Variants in SARDH observed in about 807,000 individuals in gnomAD.
SARDH encodes sarcosine dehydrogenase, mitochondrial.
In SARDH, 95 loss-of-function variants were observed where a neutral mutation model predicts 109.1. That is an observed-to-expected ratio of 0.87 (90% CI 0.74 to 1.03). The LOEUF is 1.03. Among genes scored for constraint, SARDH ranks in the 50% least tolerant of loss-of-function variants. The pLI is 0.00. For synonymous variants in SARDH, 572 were observed against 534.8 expected (o/e 1.07, Z -0.96); for missense variants, 1,267 against 1,287.8 (o/e 0.98, Z 0.25).
intron 7 of SARDH, 125 bp from the exon 8 acceptor site, chr9:133,717,580 T>A (rs1832173068): frequency 7.3e-7 from 1 of 1,378,154 alleles, no homozygotes; most frequent in African/African-American, 1.4e-5. Context: ...AGAGGGCTGG[T>A]GGTCACCCAC....
intron 6 of SARDH, among the ~76,000 whole-genome samples, chr9:133,720,256 A>G (rs964329325): frequency 1.3e-5 from 2 of 150,284 alleles, no homozygotes; most frequent in African/African-American, 2.5e-5. Flanking sequence ...GTGAAACCCC[A>G]TCTCTACTAA....
rs114407344 is a variant in SARDH at position 133,666,574 on chromosome 9, C to T, written c.2631+161G>A. ...CCTCCTTCTCCTCCTTCCTTCCTCC[C>T]CCTCTTCCCTCCTCCCTCCTTTCTC... On this transcript the variant is annotated intron_variant, in intron 20 of 20. Coordinates refer to ENST00000439388, the MANE Select transcript of SARDH (RefSeq NM_001134707.2). This position sits in a 1 kb window ranked among gnomAD's most constrained non-coding sequence, Gnocchi z 5.2. 2.7e-3 allele frequency among the ~76,000 whole-genome samples: 409 copies of T among 151,666 alleles called. 3 individuals carry two copies. The highest frequency in any genetic ancestry group is 9.5e-3 in the African/African-American group (393 of 41,344).
chr9:133,732,322 C>T (rs1832713297), intron 3 of SARDH, 101 bp downstream of exon 3: 2 of 989,808 alleles, frequency 2.0e-6, no homozygotes, highest in Admixed American at 2.5e-5. Flanking sequence ...AGGGAGCCCA[C>T]CCTACCCCCC....
intron 19 of SARDH, chr9:133,667,194 G>GTTTTTTTTTTTTTTTTT (rs59643474): frequency 3.4e-6 from 1 of 294,108 alleles, no homozygotes; most frequent in African/African-American, 2.6e-5. Context: ...TTCAACTCTG[G>GTTTTTTTTTTTTTTTTT]TTTTTTTTTT....
At chr9:133,689,176 TC>T (rs775702392) in intron 16 of SARDH, among the ~76,000 whole-genome samples, 1 of 147,878 alleles carries the variant, frequency 6.8e-6, no homozygotes, top group East Asian at 2.0e-4. Context: ...GAGACTCATC[TC>T]CCCCCCACCC....
intron 16 of SARDH, among the ~76,000 whole-genome samples, chr9:133,685,881 T>C (rs746278128): frequency 6.6e-6 from 1 of 152,148 alleles, no homozygotes; most frequent in Non-Finnish European, 1.5e-5. Flanking sequence ...CCCCGCTCTG[T>C]TCCCTGACCT....
At chr9:133,664,450 A>G (rs1033509805) in intron 20 of SARDH, among the ~76,000 whole-genome samples, 2 of 152,128 alleles carry the variant, frequency 1.3e-5, no homozygotes, top group African/African-American at 4.8e-5. Context: ...TGGCCTCTGC[A>G]TGCTCCCCAT....
chr9:133,688,101 G>A (rs770687879), intron 16 of SARDH, among the ~76,000 whole-genome samples: 7 of 152,164 alleles, frequency 4.6e-5, no homozygotes, highest in Non-Finnish European at 8.8e-5. Flanking sequence ...CAAGGCTGGC[G>A]TGGCAATGAA....
At chr9:133,660,393 C>T (rs1832397749), downstream of SARDH, among the ~76,000 whole-genome samples, 2 of 152,234 alleles carry the variant, frequency 1.3e-5, no homozygotes, top group South Asian at 2.1e-4. Flanking sequence ...GAATGCTCAA[C>T]CTCTGCTTAC....
chr9:133,717,227 C>G, intron 8 of SARDH, 99 bp downstream of exon 8: 1 of 1,485,734 alleles, frequency 6.7e-7, no homozygotes, highest in East Asian at 2.3e-5. Context: ...CCCTGGGTCC[C>G]CTGTGTGACA....
intron 6 of SARDH, among the ~76,000 whole-genome samples, chr9:133,723,018 T>C (rs180833245): frequency 6.6e-6 from 1 of 152,308 alleles, no homozygotes; most frequent in Non-Finnish European, 1.5e-5. Flanking sequence ...AGTTAAGAAA[T>C]AATTTCATTT....
At chr9:133,713,892 T>C (rs1832024452) in intron 8 of SARDH, among the ~76,000 whole-genome samples, 1 of 152,256 alleles carries the variant, frequency 6.6e-6, no homozygotes, top group African/African-American at 2.4e-5. Context: ...GTTCATGTCC[T>C]GGGCTTGGCC....
At chr9:133,661,367 A>C (rs1181354308), downstream of SARDH, among the ~76,000 whole-genome samples, 3 of 152,062 alleles carry the variant, frequency 2.0e-5, no homozygotes, top group African/African-American at 7.2e-5. Flanking sequence ...AACAAAAAAA[A>C]ACAAAATGGA....
In SARDH at chr9:133,692,392, C is replaced by T. The variant is rs1367389605; in HGVS notation, c.1922-1865G>A. On this transcript the variant is annotated intron_variant, in intron 15 of 20. Transcript: ENST00000439388. This position sits in a 1 kb window ranked among gnomAD's most constrained non-coding sequence, Gnocchi z 5.0. ...GGGCTGATGCCTAGCTCCTTACAGG[C>T]AACACTCCTCTCAGCTCAGAGATGC... Among the ~76,000 whole-genome samples, 1 of 152,116 alleles carries T rather than the reference C, an allele frequency of 6.6e-6. No individual in the cohort carries two copies. Among genetic ancestry groups the T allele is most frequent in the Admixed American group, 6.5e-5 (1 of 15,272 alleles).
intron 17 of SARDH, among the ~76,000 whole-genome samples, chr9:133,681,042 G>A (rs1830677987): frequency 6.6e-6 from 1 of 152,252 alleles, no homozygotes; most frequent in African/African-American, 2.4e-5. Context: ...AAGGTCGTCT[G>A]TCTTCCTAAG....
At chr9:133,685,462 A>T (rs1404052792) in intron 16 of SARDH, among the ~76,000 whole-genome samples, 176 bp from the exon 17 acceptor site, 1 of 152,236 alleles carries the variant, frequency 6.6e-6, no homozygotes, top group Admixed American at 6.5e-5. Context: ...AATATACATA[A>T]GACAGCCACC....
intron 6 of SARDH, among the ~76,000 whole-genome samples, chr9:133,727,204 C>A (rs965739451): frequency 3.3e-5 from 5 of 152,322 alleles, no homozygotes; most frequent in African/African-American, 7.2e-5. Context: ...AAGCTGTGGG[C>A]AGAGCTCTCT....
At chr9:133,721,694 T>C (rs1000187206) in intron 6 of SARDH, among the ~76,000 whole-genome samples, 1 of 152,198 alleles carries the variant, frequency 6.6e-6, no homozygotes, top group Non-Finnish European at 1.5e-5. Flanking sequence ...ATAGTATCAA[T>C]AGTATCAATA....
At chr9:133,738,858 A>AT (rs1832970337), upstream of SARDH, among the ~76,000 whole-genome samples, 1 of 152,214 alleles carries the variant, frequency 6.6e-6, no homozygotes, top group Non-Finnish European at 1.5e-5. Context: ...TCCCAGGGAC[A>AT]GGGTCTCCTG....
Sources: gnomAD v4.1 joint callset for allele counts (sites outside exome capture counted in the v4.1 genomes callset) on GRCh38, gnomAD v4.1.1 for gene constraint, Gnocchi (gnomAD v3.1) non-coding constraint, MANE v1.5 for transcripts, NCBI Gene and HGNC (gene_info 2026-07-23, HGNC 2026-07-21) for gene names.